TTLL1: variants seen among roughly 807,000 people sequenced by gnomAD.
TTLL1 encodes the protein polyglutamylase complex subunit TTLL1.
TTLL1 carries 33 observed loss-of-function variants against 47.8 expected under a neutral mutation model. That is an observed-to-expected ratio of 0.69 (90% CI 0.52 to 0.92). The LOEUF is 0.92. TTLL1 is among the 40% of genes least tolerant of loss of function. TTLL1 has a pLI of 0.00. For synonymous variants in TTLL1, 225 were observed against 214.1 expected, an observed-to-expected ratio of 1.05 and a Z score of -0.45; for missense variants, 488 against 547.5, an observed-to-expected ratio of 0.89 and a Z score of 1.08.
chr22:43,069,566 A>T, intron 4 of TTLL1, 70 bp downstream of exon 4: 1 of 1,600,382 alleles, frequency 6.2e-7, no homozygotes, highest in Non-Finnish European at 8.5e-7. Context: ...TCACCACCTC[A>T]GCGCCTCGCG....
At position 43,072,498 on chromosome 22, in the gene TTLL1, G is replaced by T. The variant is rs540278215; in HGVS notation, c.114-2654C>A. On this transcript the variant is annotated intron_variant, in intron 3 of 10. Coordinates refer to ENST00000266254, the MANE Select transcript of TTLL1 (RefSeq NM_012263.5). Reference sequence around the variant, plus strand: ...TTTCTTTCTTTCTTTTAGAGACAAGGTCTCACTCTGTTGCCCAGGCTGGAG... The same window carrying T: ...TTTCTTTCTTTCTTTTAGAGACAAGTTCTCACTCTGTTGCCCAGGCTGGAG... 3.9e-5 allele frequency among the ~76,000 whole-genome samples: 6 copies of T among 151,982 alleles called. No individual in the cohort carries two copies. In the East Asian group the frequency reaches 1.2e-3, roughly 29 times the overall value.
chr22:43,054,141 G>A (rs888547760), intron 8 of TTLL1, among the ~76,000 whole-genome samples: 9 of 152,136 alleles, frequency 5.9e-5, no homozygotes, highest in African/African-American at 2.2e-4. Context: ...GATATGGTGG[G>A]GCCTGGCATG....
intron 7 of TTLL1, among the ~76,000 whole-genome samples, chr22:43,063,113 C>T (rs1271980949): frequency 3.3e-5 from 5 of 152,142 alleles, no homozygotes; most frequent in Admixed American, 6.6e-5. Context: ...AGGCAGGGTA[C>T]CTCAGGGATG....
chr22:43,064,851 T>C (rs1302956167), intron 5 of TTLL1, among the ~76,000 whole-genome samples: 1 of 151,048 alleles, frequency 6.6e-6, no homozygotes, highest in East Asian at 2.0e-4. Flanking sequence ...TATGTTACTA[T>C]GATGGTGGAT....
intron 5 of TTLL1, among the ~76,000 whole-genome samples, chr22:43,068,171 G>T (rs1358477567): frequency 1.3e-5 from 2 of 151,246 alleles, no homozygotes; most frequent in Admixed American, 1.3e-4. Flanking sequence ...ACAAAAATTA[G>T]CTGGGCGTGG....
chr22:43,040,507 G>A (rs1014130003), intron 10 of TTLL1, among the ~76,000 whole-genome samples: 1 of 152,130 alleles, frequency 6.6e-6, no homozygotes, highest in Non-Finnish European at 1.5e-5. Flanking sequence ...ATACAGTGGC[G>A]CAATCTTGGC....
chr22:43,077,700 A>C (rs1928599690), intron 2 of TTLL1, among the ~76,000 whole-genome samples: 1 of 152,090 alleles, frequency 6.6e-6, no homozygotes, highest in South Asian at 2.1e-4. Context: ...GCAGCCCAAG[A>C]TTCAAGGCTC....
intron 10 of TTLL1, among the ~76,000 whole-genome samples, chr22:43,042,400 C>T (rs957836594): frequency 1.3e-5 from 2 of 152,210 alleles, no homozygotes; most frequent in African/African-American, 4.8e-5. Flanking sequence ...GATGGCTCTT[C>T]GAAGTTCCTG....
At chr22:43,048,894 G>A (rs1310391992) in intron 9 of TTLL1, among the ~76,000 whole-genome samples, 1 of 152,044 alleles carries the variant, frequency 6.6e-6, no homozygotes. Context: ...CCGAGGTCGT[G>A]CCACTGCACT....
chr22:43,076,313 G>A (rs5759137), intron 2 of TTLL1, among the ~76,000 whole-genome samples: 43,044 of 151,888 alleles, frequency 0.28, 7,067 homozygotes, highest in East Asian at 0.7. Context: ...AAAATTAGCC[G>A]GGTGTGGTTG....
intron 8 of TTLL1, among the ~76,000 whole-genome samples, chr22:43,054,834 T>A (rs1362216571): frequency 6.7e-6 from 1 of 149,594 alleles, no homozygotes; most frequent in African/African-American, 2.5e-5. Context: ...CACGCCATTC[T>A]CCTGCCTCAG....
Position 43,068,518 on chromosome 22 carries a change from G to C in TTLL1, c.395C>G (p.Ser132Cys), listed in dbSNP as rs756086352. 6 of 1,572,494 alleles carry C rather than the reference G, an allele frequency of 3.8e-6. No homozygotes were observed. In the Admixed American group the frequency reaches 6.8e-5, roughly 18 times the overall value. ...LFVEEFRKSP[S>C]STWIMKPCGK... The stretch of plus-strand genomic sequence containing the variant: ...ACAAGGCTTCATGATCCAGGTGCTG[G>C]ACGGGCTCTTCCGGAACTCCTCTAC... The change falls in exon 5 of 11, where the codon TCC (serine) becomes TGC (cysteine). Residue 132 changes from serine to cysteine, a missense_variant. Ser to Cys is a moderately radical substitution (Grantham distance 112). Transcript: ENST00000266254.
rs963834356 is a variant in TTLL1 at position 43,083,525 on chromosome 22, G to A, written c.-89-3539C>T. ...AGATGGGCGGGTCACCTGAGGTCAC[G>A]AGTTCGAGGCCAGCCGGACCAACAG... On this transcript the variant is annotated intron_variant, in intron 1 of 10. Coordinates refer to ENST00000266254, the MANE Select transcript of TTLL1 (RefSeq NM_012263.5). Among the ~76,000 whole-genome samples the A allele has an allele frequency of 5.3e-4, 80 of 152,076 alleles. 2 individuals are homozygous for A. The highest frequency in any genetic ancestry group is 5.2e-3 in the Admixed American group (79 of 15,244).
rs180822205 is a variant in TTLL1 at position 43,044,312 on chromosome 22, G to A, written c.1142+2098C>T. On this transcript the variant is annotated intron_variant, in intron 10 of 10. Coordinates refer to ENST00000266254, the MANE Select transcript of TTLL1 (RefSeq NM_012263.5). ...CCCTGTAGAGGCCCCGAGGTTGCCG[G>A]CAAGCCCAGTATACTTCCATCTAAA... 1.1e-3 allele frequency among the ~76,000 whole-genome samples: 169 copies of A among 152,190 alleles called. 1 individual carries two copies. Among genetic ancestry groups the A allele is most frequent in the Non-Finnish European group, 1.9e-3 (132 of 68,016 alleles).
intron 7 of TTLL1, among the ~76,000 whole-genome samples, 153 bp from the exon 8 acceptor site, chr22:43,059,680 C>G (rs1927275309): frequency 6.6e-6 from 1 of 152,084 alleles, no homozygotes; most frequent in South Asian, 2.1e-4. Flanking sequence ...CCAGGGAGAT[C>G]TGGGCCGGCT....
intron 1 of TTLL1, among the ~76,000 whole-genome samples, chr22:43,082,008 C>T (rs1601706558): frequency 6.6e-6 from 1 of 151,776 alleles, no homozygotes; most frequent in Non-Finnish European, 1.5e-5. Flanking sequence ...CATGCCCCCG[C>T]GCCTGGCTAG....
chr22:43,052,477 T>C (rs187670326), intron 8 of TTLL1: 1,683 of 157,582 alleles, frequency 0.011, 13 homozygotes, highest in Non-Finnish European at 0.015. Flanking sequence ...CAGTGGCTCA[T>C]GCCTGTAATC....
chr22:43,086,012 C>T (rs1460079603), intron 1 of TTLL1, among the ~76,000 whole-genome samples: 3 of 152,174 alleles, frequency 2.0e-5, no homozygotes, highest in Non-Finnish European at 4.4e-5. Flanking sequence ...CACCGGGCCA[C>T]GCCCCACAGT....
chr22:43,055,180 C>T (rs5759123), intron 8 of TTLL1, among the ~76,000 whole-genome samples: 34,106 of 151,468 alleles, frequency 0.23, 5,991 homozygotes, highest in East Asian at 0.69. Context: ...TGTGCCATCA[C>T]GCCTGGCTAA....
Sources: gnomAD v4.1 joint callset for allele counts (sites outside exome capture counted in the v4.1 genomes callset) on GRCh38, gnomAD v4.1.1 for gene constraint, MANE v1.5 for transcripts, NCBI Gene and HGNC (gene_info 2026-07-23, HGNC 2026-07-21) for gene names.